CFAP65: variants seen among roughly 807,000 people sequenced by gnomAD.
CFAP65 encodes the protein cilia and flagella associated protein 65.
Under a neutral mutation model 208.0 loss-of-function variants are expected in CFAP65, and 155 were observed. The observed-to-expected ratio is 0.75, with a 90% confidence interval of 0.65 to 0.85. The LOEUF is 0.85. Among genes scored for constraint, CFAP65 ranks in the 40% least tolerant of loss-of-function variants. The pLI is 0.00. For missense variants in CFAP65, 2,294 were observed against 2,451.3 expected (o/e 0.94, Z 1.36); for synonymous variants, 970 against 986.3 (o/e 0.98, Z 0.31).
rs962822762 is a variant in CFAP65, at chr2:219,011,251, GT to G, written c.3958-256del. On this transcript the variant is annotated intron_variant, in intron 24 of 34. Coordinates refer to ENST00000341552, the MANE Select transcript of CFAP65 (RefSeq NM_194302.4). ...TTTGTCTTCAGTTTAACTTCATCAA[GT>G]TTTTTTTCTTTTTCTTTCTTTTTTT... Among the ~76,000 whole-genome samples the G allele has an allele frequency of 3.7e-4, 51 of 138,234 alleles. No individual in the cohort carries two copies. The South Asian group carries it at 8.7e-3, about 24-fold the overall frequency. The allele number at this position is 138,234 out of a possible 152,430, so 90.7% of individuals were successfully genotyped here.
At chr2:219,037,187 C>T (rs775420958) in intron 4 of CFAP65, among the ~76,000 whole-genome samples, 10 of 151,944 alleles carry the variant, frequency 6.6e-5, no homozygotes, top group African/African-American at 1.9e-4. Context: ...GTCAGGAGTT[C>T]GAGACCAGCC....
chr2:219,008,205 C>T (rs1286525719), intron 29 of CFAP65, among the ~76,000 whole-genome samples: 1 of 152,136 alleles, frequency 6.6e-6, no homozygotes. Context: ...TCTCCGTTGC[C>T]CATTGCCCAG....
In CFAP65 at chr2:219,003,025, GA is replaced by G. The variant is rs778975292; in HGVS notation, c.5694-5del. The G allele has an allele frequency of 3.5e-5, 55 of 1,555,290 alleles. No homozygotes were observed. The highest frequency in any genetic ancestry group is 5.4e-5 in the African/African-American group (4 of 73,628). ...CAGCGTGTCCGGGGTCAGACTCCTG[GA>G]AGACAAAAAGTCCCAGGTAGGCGTG... On this transcript the variant is annotated splice_polypyrimidine_tract_variant and splice_region_variant and intron_variant, in intron 34 of 34. Coordinates refer to ENST00000341552, the MANE Select transcript of CFAP65 (RefSeq NM_194302.4). This position sits in a 1 kb window ranked among gnomAD's most constrained non-coding sequence, Gnocchi z 4.4.
intron 2 of CFAP65, 183 bp from the exon 3 acceptor site, chr2:219,039,233 T>C: frequency 2.2e-6 from 1 of 464,936 alleles, no homozygotes; most frequent in East Asian, 3.5e-5. Context: ...ATGGCCACAG[T>C]TTTCACCAAA....
chr2:219,006,021 C>G lies in CFAP65; in HGVS notation c.4922G>C (p.Arg1641Pro), dbSNP rs199839080. The change falls in exon 31 of 35, where the codon CGG (arginine) becomes CCG (proline). Residue 1641 changes from arginine to proline, a missense_variant and splice_region_variant. By Grantham distance (103) the Arg-to-Pro change is moderately radical (BLOSUM62 -2). This residue lies in a region of CFAP65 where 1,427 missense variants were observed against 1,438.7 expected (regional missense o/e 0.99). Coordinates refer to ENST00000341552, the MANE Select transcript of CFAP65 (RefSeq NM_194302.4). ...FSEFPCHFLH[R>P]ELPKRKAPRE... ...GACCCCTGCCTTCCCAAGAGCTTAC[C>G]GGTGCAAAAAGTGGCAGGGAAACTC... 10 of 1,613,150 alleles carry G rather than the reference C, an allele frequency of 6.2e-6. No individual in the cohort carries two copies. The highest frequency in any genetic ancestry group is 8.5e-6 in the Non-Finnish European group (10 of 1,179,932).
chr2:219,037,614 A>G (rs1948443309), intron 4 of CFAP65, among the ~76,000 whole-genome samples: 1 of 152,218 alleles, frequency 6.6e-6, no homozygotes, highest in Non-Finnish European at 1.5e-5. Flanking sequence ...GAGGAAGAGA[A>G]GAGAAATGCC....
In CFAP65 at chr2:219,021,201, C is replaced by T; in HGVS notation, c.3210G>A (p.Gln1070=). ...TGATGGTCCAGGAGTACTGGGACCG[C>T]TGCTTGGGACAGGCAGTCAGGCAGA... ...DTICLTACPK[Q]RSQYSWTITY... is the part of the protein sequence containing the mutation. Residue 1070 remains glutamine (Q), a synonymous_variant, in exon 19 of 35, where the codon CAG becomes CAA. Transcript: ENST00000341552. 2 of 1,607,164 alleles carry T rather than the reference C, an allele frequency of 1.2e-6. No individual in the cohort carries two copies. The highest frequency in any genetic ancestry group is 1.7e-5 in the Admixed American group (1 of 59,540).
intron 5 of CFAP65, chr2:219,033,579 G>C (rs994767349): frequency 9.2e-5 from 14 of 152,186 alleles, no homozygotes; most frequent in Middle Eastern, 3.2e-3. Context: ...AAACTTTAAT[G>C]TGTGTTTATG....
At position 219,004,092 on chromosome 2, in the gene CFAP65, C is replaced by G. The variant is rs73089095; in HGVS notation, c.5415G>C (p.Lys1805Asn). The G allele has an allele frequency of 6.2e-7, 1 of 1,613,932 alleles. No individual in the cohort carries two copies. Among genetic ancestry groups the G allele is most frequent in the South Asian group, 1.1e-5 (1 of 91,078 alleles). ...IEEKEEERDEKEEKVSWAGIG... is the reference protein window; with the variant it reads ...IEEKEEERDENEEKVSWAGIG... ...TGCCCGCCCAGCTCACTTTCTCTTC[C>G]TTCTCATCCCTCTCCTCCTCCTTCT... is the stretch of plus-strand genomic sequence containing the variant. Residue 1805 changes from lysine to asparagine, a missense_variant, in exon 33 of 35, where the codon AAG becomes AAC. By Grantham distance (94) the Lys-to-Asn change is moderately conservative. Transcript: ENST00000341552. The surrounding 1 kb of genome is among the most constrained non-coding windows in gnomAD (Gnocchi z 4.7).
At chr2:219,030,648 TG>T in intron 9 of CFAP65, 40 bp downstream of exon 9, 1 of 1,597,190 alleles carries the variant, frequency 6.3e-7, no homozygotes, top group Non-Finnish European at 8.5e-7. Context: ...ATTCCAATCC[TG>T]GGGGCGTGAG....
intron 26 of CFAP65, among the ~76,000 whole-genome samples, chr2:219,010,330 C>T (rs75831525): frequency 0.042 from 6,348 of 152,224 alleles, 406 homozygotes; most frequent in East Asian, 0.3. Flanking sequence ...TGAGCAGGAA[C>T]ACCTGTGGGC....
intron 15 of CFAP65, among the ~76,000 whole-genome samples, chr2:219,023,685 C>T (rs1351706982): frequency 6.6e-6 from 1 of 152,218 alleles, no homozygotes; most frequent in African/African-American, 2.4e-5. Context: ...AGACATGGGC[C>T]CACCATCTCA....
intron 13 of CFAP65, chr2:219,027,361 A>G (rs1947696328): frequency 6.9e-7 from 1 of 1,454,790 alleles, no homozygotes; most frequent in Admixed American, 2.7e-5. Context: ...CAGGAGCCCC[A>G]GGGAGTATCT....
At position 219,025,550 on chromosome 2, in the gene CFAP65, T is replaced by TA. The variant is rs1475893126; in HGVS notation, c.2349+471dup. On this transcript the variant is annotated intron_variant, in intron 14 of 34. Transcript: ENST00000341552. The stretch of plus-strand genomic sequence containing the variant: ...TGCTTGTCAGGTCAGGCAGGGCTTC[T>TA]AAGGGCCTTGGGGTGGCCTGGGAAT... 2.0e-5 allele frequency among the ~76,000 whole-genome samples: 3 copies of TA among 152,158 alleles called. No individual in the cohort carries two copies. The East Asian group carries it at 5.8e-4, about 29-fold the overall frequency.
At position 219,010,881 on chromosome 2, in the gene CFAP65, G is replaced by T. The variant is rs1255084796; in HGVS notation, c.4073C>A (p.Pro1358His). The T allele has an allele frequency of 6.2e-7, 1 of 1,613,670 alleles. No individual in the cohort carries two copies. Among genetic ancestry groups the T allele is most frequent in the Non-Finnish European group, 8.5e-7 (1 of 1,179,998 alleles). ...FDHPIFCCLN[P>H]KGEIQPGSTA... ...GCTGCCTGGCTGGATCTCCCCTTTG[G>T]GGTTGAGGCAGCAAAAGATGGGGTG... Residue 1358 changes from proline (P) to histidine (H), a missense_variant, in exon 25 of 35, where the codon CCC becomes CAC. Physicochemically the swap from Pro to His is moderately conservative, Grantham distance 77. Transcript: ENST00000341552.
At position 219,023,427 on chromosome 2, in the gene CFAP65, A is replaced by C; in HGVS notation, c.2600T>G (p.Val867Gly). The change falls in exon 16 of 35, where the codon GTG (valine) becomes GGG (glycine). Residue 867 changes from valine (V) to glycine (G), a missense_variant. Val to Gly is a moderately radical substitution (Grantham distance 109, BLOSUM62 -3). This residue lies in a region of CFAP65 where 1,427 missense variants were observed against 1,438.7 expected (regional missense o/e 0.99). Coordinates refer to ENST00000341552, the MANE Select transcript of CFAP65 (RefSeq NM_194302.4). ...TGGCTCCTCCCGGCTGTACATGCTCACCTCCTGGAGCCAGAGGAAGAAGGG... is the reference window on the plus strand; with the variant it reads ...TGGCTCCTCCCGGCTGTACATGCTCCCCTCCTGGAGCCAGAGGAAGAAGGG... ...CNASPQYLKE[V>G]SMYSREEPLQ... 6 of 1,566,320 alleles carry C rather than the reference A, an allele frequency of 3.8e-6. No homozygotes were observed. The highest frequency in any genetic ancestry group is 5.2e-6 in the Non-Finnish European group (6 of 1,155,186).
rs990800901 is a variant in CFAP65, at chr2:219,029,036, T to C, written c.1650+367A>G. Among the ~76,000 whole-genome samples, 16 of 152,186 alleles carry C rather than the reference T, an allele frequency of 1.1e-4. 1 individual carries two copies. Among genetic ancestry groups the C allele is most frequent in the Admixed American group, 9.2e-4 (14 of 15,292 alleles). The stretch of plus-strand genomic sequence containing the variant: ...AAAGCTCTCTGCCCTATGCATGCTA[T>C]GTGGGGTGGCTCCAGGGAAGAATTA... On this transcript the variant is annotated intron_variant, in intron 11 of 34. Transcript: ENST00000341552.
Position 219,031,638 on chromosome 2 carries a change from C to T in CFAP65, c.666G>A (p.Leu222=), listed in dbSNP as rs767303654. The T allele has an allele frequency of 1.9e-6, 3 of 1,611,768 alleles. No individual in the cohort carries two copies. The highest frequency in any genetic ancestry group is 4.5e-5 in the East Asian group (2 of 44,868). ...PLEAKEYMDQ[L]WFEKAEGMFC... ...ACATCCCCTCCGCTTTCTCAAACCACAGCTGGTCCATGTACTCCTTCTGCA... is the reference window on the plus strand; with the variant it reads ...ACATCCCCTCCGCTTTCTCAAACCATAGCTGGTCCATGTACTCCTTCTGCA... The change falls in exon 7 of 35, where the codon CTG becomes CTA. Residue 222 remains leucine (L), a synonymous_variant. Transcript: ENST00000341552. This position sits in a 1 kb window ranked among gnomAD's most constrained non-coding sequence, Gnocchi z 5.2.
intron 5 of CFAP65, among the ~76,000 whole-genome samples, chr2:219,033,202 T>G (rs1406908965): frequency 6.6e-6 from 1 of 152,200 alleles, no homozygotes; most frequent in Non-Finnish European, 1.5e-5. Context: ...CCAGGCACAG[T>G]GCCTCACATC....
Sources: allele counts gnomAD v4.1 joint callset (sites outside exome capture counted in the v4.1 genomes callset), GRCh38; gene constraint gnomAD v4.1.1; regional missense constraint gnomAD v4.1.1; non-coding constraint Gnocchi (gnomAD v3.1); transcripts MANE v1.5; gene names NCBI Gene and HGNC (gene_info 2026-07-23, HGNC 2026-07-21).